Variants in SEZ6L observed in about 807,000 individuals in gnomAD.
SEZ6L encodes seizure related 6 homolog like.
Under a neutral mutation model 106.2 loss-of-function variants are expected in SEZ6L, and 37 were observed. That is an observed-to-expected ratio of 0.35 (90% CI 0.27 to 0.46). SEZ6L has a LOEUF of 0.46. Ranked by LOEUF, SEZ6L falls within the 20% of genes least tolerant of loss-of-function variation. The pLI, the probability that SEZ6L is intolerant of heterozygous loss-of-function variation, is 1.00. For synonymous variants in SEZ6L, 541 were observed against 570.4 expected (o/e 0.95, Z 0.73); for missense variants, 1,172 against 1,332.8 (o/e 0.88, Z 1.88).
At chr22:26,208,685 G>A (rs1396451191) in intron 1 of SEZ6L, among the ~76,000 whole-genome samples, 1 of 152,050 alleles carries the variant, frequency 6.6e-6, no homozygotes, top group African/African-American at 2.4e-5. Flanking sequence ...GTTTGACTAT[G>A]ACATACATAG....
intron 10 of SEZ6L, among the ~76,000 whole-genome samples, chr22:26,343,338 A>C (rs1430914469): frequency 1.4e-5 from 2 of 144,782 alleles, no homozygotes; most frequent in Non-Finnish European, 3.0e-5. Context: ...AAAAAAAAAA[A>C]AAAACTGACT....
chr22:26,321,281 A>C (rs752158244), intron 9 of SEZ6L, among the ~76,000 whole-genome samples: 3 of 152,092 alleles, frequency 2.0e-5, no homozygotes, highest in Non-Finnish European at 4.4e-5. Context: ...AAGCTGGCGG[A>C]GCTTGGACTT....
chr22:26,212,907 G>T (rs1232741745), intron 1 of SEZ6L, among the ~76,000 whole-genome samples: 2 of 152,114 alleles, frequency 1.3e-5, no homozygotes, highest in African/African-American at 2.4e-5. Context: ...TCAGCCTTGG[G>T]GTCAGAACTC....
intron 1 of SEZ6L, among the ~76,000 whole-genome samples, chr22:26,246,990 A>T (rs1242857011): frequency 6.6e-6 from 1 of 152,194 alleles, no homozygotes; most frequent in East Asian, 1.9e-4. Flanking sequence ...CGTGCTTTGC[A>T]GACTCTAGAA....
intron 1 of SEZ6L, among the ~76,000 whole-genome samples, chr22:26,243,566 T>C (rs2079211594): frequency 6.6e-6 from 1 of 152,058 alleles, no homozygotes; most frequent in Non-Finnish European, 1.5e-5. Context: ...AGGGTGGAGA[T>C]GGAGCAGAAC....
chr22:26,281,952 G>T (rs551631405), intron 1 of SEZ6L, among the ~76,000 whole-genome samples: 1 of 152,156 alleles, frequency 6.6e-6, no homozygotes, highest in East Asian at 1.9e-4. Context: ...TCTCTCAGCT[G>T]CATGGCATTC....
chr22:26,338,721 A>C (rs1240174589), intron 9 of SEZ6L, among the ~76,000 whole-genome samples: 1 of 151,714 alleles, frequency 6.6e-6, no homozygotes, highest in East Asian at 1.9e-4. Flanking sequence ...CACCACGCCC[A>C]GCTAATTTCT....
chr22:26,341,837 TC>T (rs2082847081), intron 10 of SEZ6L, among the ~76,000 whole-genome samples: 1 of 152,100 alleles, frequency 6.6e-6, no homozygotes, highest in African/African-American at 2.4e-5. Context: ...CAAACACATG[TC>T]CCCGTCTTTC....
intron 9 of SEZ6L, among the ~76,000 whole-genome samples, chr22:26,320,154 C>T (rs2145941936): frequency 6.6e-6 from 1 of 152,298 alleles, no homozygotes; most frequent in East Asian, 1.9e-4. Flanking sequence ...AAGGATGTGT[C>T]ATCATGGACC....
intron 1 of SEZ6L, among the ~76,000 whole-genome samples, chr22:26,179,855 A>T (rs574804521): frequency 6.6e-6 from 1 of 152,280 alleles, no homozygotes; most frequent in East Asian, 1.9e-4. Flanking sequence ...TGGCTTCTCC[A>T]GCATAATCAC....
chr22:26,349,051 A>C (rs2083185761), intron 11 of SEZ6L, among the ~76,000 whole-genome samples: 1 of 152,188 alleles, frequency 6.6e-6, no homozygotes, highest in Non-Finnish European at 1.5e-5. Context: ...TTCCCTATAG[A>C]AGTCTTCTTA....
At chr22:26,198,745 G>T (rs543600570) in intron 1 of SEZ6L, among the ~76,000 whole-genome samples, 1 of 152,208 alleles carries the variant, frequency 6.6e-6, no homozygotes, top group Admixed American at 6.5e-5. Context: ...TTTTATAAGG[G>T]CTCTGATCCC....
chr22:26,284,628 A>AC (rs2080877176), intron 1 of SEZ6L, among the ~76,000 whole-genome samples: 2 of 145,642 alleles, frequency 1.4e-5, no homozygotes, highest in Non-Finnish European at 3.0e-5. Context: ...AAAAAAAAAA[A>AC]AAAACCCTAA....
intron 9 of SEZ6L, among the ~76,000 whole-genome samples, chr22:26,332,791 C>T (rs1457748591): frequency 6.6e-6 from 1 of 152,168 alleles, no homozygotes; most frequent in Admixed American, 6.6e-5. Flanking sequence ...TGTTTTCTGA[C>T]ACAAGACTCA....
intron 9 of SEZ6L, among the ~76,000 whole-genome samples, chr22:26,324,065 C>A (rs891917128): frequency 1.6e-4 from 1 of 6,220 alleles, no homozygotes; most frequent in Non-Finnish European, 3.2e-4. Flanking sequence ...AGTTTTTAAC[C>A]ACACACACAC....
At chr22:26,205,264 T>G (rs1443210329) in intron 1 of SEZ6L, among the ~76,000 whole-genome samples, 1 of 152,222 alleles carries the variant, frequency 6.6e-6, no homozygotes, top group African/African-American at 2.4e-5. Flanking sequence ...TCAAGTCTGG[T>G]GACTTTTTAC....
At chr22:26,274,025 T>A (rs1305466504) in intron 1 of SEZ6L, among the ~76,000 whole-genome samples, 9 of 152,138 alleles carry the variant, frequency 5.9e-5, no homozygotes, top group Admixed American at 5.9e-4. Context: ...AGAGAAATTG[T>A]ACCTTAGGAT....
At chr22:26,217,960 A>G (rs2078346405) in intron 1 of SEZ6L, among the ~76,000 whole-genome samples, 1 of 152,210 alleles carries the variant, frequency 6.6e-6, no homozygotes, top group Admixed American at 6.5e-5. Context: ...TCCCTCTGCA[A>G]ACAGTTCCTG....
In SEZ6L at chr22:26,365,488, G is replaced by C; in HGVS notation, c.2716G>C (p.Glu906Gln). The C allele has an allele frequency of 6.2e-7, 1 of 1,614,206 alleles. No homozygotes were observed. Among genetic ancestry groups the C allele is most frequent in the Non-Finnish European group, 8.5e-7 (1 of 1,180,030 alleles). The change falls in exon 13 of 17, where the codon GAG becomes CAG. Residue 906 changes from glutamate (E) to glutamine (Q), a missense_variant. By Grantham distance (29) the Glu-to-Gln change is conservative (BLOSUM62 2). Coordinates refer to ENST00000248933, the MANE Select transcript of SEZ6L (RefSeq NM_021115.5). ...CACCTTCATGTGCTACGAAGGCTTTGAGCTCATGGGTGAAGTGACCATCCG... is the reference window on the plus strand; with the variant it reads ...CACCTTCATGTGCTACGAAGGCTTTCAGCTCATGGGTGAAGTGACCATCCG... ...SLTFMCYEGF[E>Q]LMGEVTIRCI...
Sources: allele counts gnomAD v4.1 joint callset (sites outside exome capture counted in the v4.1 genomes callset), GRCh38; gene constraint gnomAD v4.1.1; transcripts MANE v1.5; gene names NCBI Gene and HGNC (gene_info 2026-07-23, HGNC 2026-07-21).